VOPP1: variants seen among roughly 807,000 people sequenced by gnomAD.
The protein encoded by VOPP1 is WW domain binding protein VOPP1.
A neutral mutation model predicts 23.5 loss-of-function variants in VOPP1; 8 were observed. The observed-to-expected ratio is 0.34, with a 90% CI of 0.20 to 0.61. The LOEUF is 0.61. Among genes scored for constraint, VOPP1 ranks in the 20% least tolerant of loss-of-function variants. VOPP1 has a pLI of 0.78. For synonymous variants in VOPP1, 83 were observed against 97.3 expected, an observed-to-expected ratio of 0.85 and a Z score of 0.86; for missense variants, 174 against 238.1, an observed-to-expected ratio of 0.73 and a Z score of 1.77.
At chr7:55,461,996 A>C (rs1355479247) in intron 4 of VOPP1, among the ~76,000 whole-genome samples, 1 of 152,186 alleles carries the variant, frequency 6.6e-6, no homozygotes, top group African/African-American at 2.4e-5. Flanking sequence ...GATGTAGAAC[A>C]TGTTAAGCAT....
chr7:55,457,458 T>C (rs1791395692), intron 4 of VOPP1, among the ~76,000 whole-genome samples: 1 of 152,218 alleles, frequency 6.6e-6, no homozygotes, highest in South Asian at 2.1e-4. Context: ...TACACCGATT[T>C]CCTGTCTTTT....
chr7:55,503,417 G>C (rs527784839), intron 2 of VOPP1, among the ~76,000 whole-genome samples: 2 of 152,278 alleles, frequency 1.3e-5, no homozygotes, highest in Admixed American at 6.5e-5. Context: ...TTAATTCTTA[G>C]CCTTTGGGTT....
At chr7:55,566,205 C>T (rs1018204930) in intron 1 of VOPP1, among the ~76,000 whole-genome samples, 5 of 152,130 alleles carry the variant, frequency 3.3e-5, no homozygotes, top group African/African-American at 9.7e-5. Flanking sequence ...TCCAGACCAG[C>T]GCAACTAATT....
chr7:55,569,375 A>C (rs1584139878), intron 1 of VOPP1, among the ~76,000 whole-genome samples: 1 of 152,296 alleles, frequency 6.6e-6, no homozygotes, highest in East Asian at 1.9e-4. Context: ...CTTTCTAAGG[A>C]AGGGTGACTG....
chr7:55,520,978 G>T lies in VOPP1; in HGVS notation c.113+94C>A, dbSNP rs1584012381. 3.2e-5 allele frequency: 44 copies of T among 1,368,286 alleles called. No individual in the cohort carries two copies. The East Asian group carries it at 1.1e-3, about 34-fold the overall frequency. 84.8% of individuals were successfully genotyped at this position (1,368,286 alleles called of 1,614,324 possible). A position where few individuals can be genotyped will look rare whatever the true frequency, so the allele number is the denominator to read the frequency against. On this transcript the variant is annotated intron_variant, in intron 2 of 4. Transcript: ENST00000285279. The stretch of plus-strand genomic sequence containing the variant: ...CGCAGCAGAGGCTGGGCCACGCCGG[G>T]CTTTCCCCATCCCACACCCAGAACT...
intron 4 of VOPP1, among the ~76,000 whole-genome samples, chr7:55,462,666 T>C (rs1477710739): frequency 6.9e-6 from 1 of 145,834 alleles, no homozygotes; most frequent in Admixed American, 6.9e-5. Flanking sequence ...TTTTTTTTTT[T>C]TTTTTTTGAG....
chr7:55,556,012 A>G (rs920534124), intron 1 of VOPP1, among the ~76,000 whole-genome samples: 3 of 152,228 alleles, frequency 2.0e-5, no homozygotes, highest in Non-Finnish European at 2.9e-5. Flanking sequence ...TAACCTGTAT[A>G]TGATAATGAG....
downstream of VOPP1, among the ~76,000 whole-genome samples, chr7:55,466,268 A>G (rs1791629577): frequency 6.6e-6 from 1 of 152,272 alleles, no homozygotes; most frequent in Non-Finnish European, 1.5e-5. Flanking sequence ...CATTGTGACA[A>G]GAATTCAAGC....
chr7:55,564,593 A>G (rs1221388094), intron 1 of VOPP1, among the ~76,000 whole-genome samples: 2 of 152,188 alleles, frequency 1.3e-5, no homozygotes, highest in Admixed American at 6.5e-5. Flanking sequence ...ATGGACGCTT[A>G]TGACAAAGTT....
intron 4 of VOPP1, among the ~76,000 whole-genome samples, chr7:55,445,991 CTT>C (rs3066310): frequency 0.28 from 35,139 of 127,776 alleles, 4,267 homozygotes; most frequent in East Asian, 0.5. Context: ...CCAGGTGAAA[CTT>C]TTTTTTTTTT....
intron 4 of VOPP1, among the ~76,000 whole-genome samples, chr7:55,476,213 C>A (rs1416564687): frequency 6.6e-6 from 1 of 152,216 alleles, no homozygotes; most frequent in East Asian, 1.9e-4. Context: ...TTACTTTGAA[C>A]GTCATCATCT....
At chr7:55,521,861 A>G in intron 1 of VOPP1, 1 of 983,748 alleles carries the variant, frequency 1.0e-6, no homozygotes, top group Non-Finnish European at 1.2e-6. Context: ...CTGCTCAGGG[A>G]GCTCTCTATG....
At chr7:55,489,172 T>G (rs1432634736) in intron 4 of VOPP1, among the ~76,000 whole-genome samples, 1 of 152,184 alleles carries the variant, frequency 6.6e-6, no homozygotes, top group Non-Finnish European at 1.5e-5. Context: ...TAACAAATGA[T>G]CCAGCCCTGG....
In VOPP1 at chr7:55,541,058, A is replaced by C. The variant is rs61030388; in HGVS notation, c.55-19928T>G. On this transcript the variant is annotated intron_variant, in intron 1 of 4. Transcript: ENST00000285279. ...ATACTTGCCCATTATCTAGCTGATA[A>C]GGAACGTATTTAAAGTCTTACCGCT... is the stretch of plus-strand genomic sequence containing the variant. Among the ~76,000 whole-genome samples, 547 of 152,320 alleles carry C rather than the reference A, an allele frequency of 3.6e-3. 9 individuals are homozygous for C. Among genetic ancestry groups the C allele is most frequent in the East Asian group, 0.012 (60 of 5,184 alleles).
intron 4 of VOPP1, among the ~76,000 whole-genome samples, chr7:55,485,234 C>T (rs1449987269): frequency 6.6e-6 from 1 of 152,188 alleles, no homozygotes; most frequent in Non-Finnish European, 1.5e-5. Flanking sequence ...ACCTAAGCAG[C>T]CAGCCCACCT....
At chr7:55,513,505 G>C (rs937821001) in intron 2 of VOPP1, among the ~76,000 whole-genome samples, 1 of 152,024 alleles carries the variant, frequency 6.6e-6, no homozygotes. Context: ...GTGGTACCTA[G>C]ATCTGAAGGA....
At chr7:55,459,423 T>C (rs1169454679) in intron 4 of VOPP1, among the ~76,000 whole-genome samples, 1 of 152,168 alleles carries the variant, frequency 6.6e-6, no homozygotes, top group Non-Finnish European at 1.5e-5. Context: ...TCTTCAATTG[T>C]TTTTAAACAG....
rs192119091 is a variant in VOPP1 at position 55,491,180 on chromosome 7, C to T, written c.328+1102G>A. Among the ~76,000 whole-genome samples, 4 of 152,318 alleles carry T rather than the reference C, an allele frequency of 2.6e-5. No individual in the cohort carries two copies. In the East Asian group the frequency reaches 7.7e-4, roughly 29 times the overall value. ...TCTATTCCATAAACATCTCTATTACCTACAAAAGTTTTCTCTGCTCTTCTT... is the reference window on the plus strand; with the variant it reads ...TCTATTCCATAAACATCTCTATTACTTACAAAAGTTTTCTCTGCTCTTCTT... On this transcript the variant is annotated intron_variant, in intron 4 of 4. Transcript: ENST00000285279.
Position 55,561,768 on chromosome 7 carries a change from C to T in VOPP1, c.54+10503G>A, listed in dbSNP as rs1036561809. 3.2e-5 allele frequency: 8 copies of T among 253,398 alleles called. No individual in the cohort carries two copies. In the Admixed American group the frequency reaches 4.1e-4, roughly 13 times the overall value. 15.7% of individuals were successfully genotyped at this position (253,398 alleles called of 1,614,324 possible). ...TCTTCCAAAAAAAAAAAAAAACAAA[C>T]AAGCAATTACAGTATCTGAGCTCAG... On this transcript the variant is annotated intron_variant, in intron 1 of 4. Coordinates refer to ENST00000285279, the MANE Select transcript of VOPP1 (RefSeq NM_030796.5).
Sources: gnomAD v4.1 joint callset for allele counts (sites outside exome capture counted in the v4.1 genomes callset) on GRCh38, gnomAD v4.1.1 for gene constraint, MANE v1.5 for transcripts, NCBI Gene and HGNC (gene_info 2026-07-23, HGNC 2026-07-21) for gene names.